Variants in RXFP1 observed in about 807,000 individuals in gnomAD.
RXFP1 encodes relaxin family peptide receptor 1, also known as relaxin receptor 1.
Under a neutral mutation model 89.8 loss-of-function variants are expected in RXFP1, and 73 were observed. The ratio of observed to expected loss-of-function variants is 0.81; its 90% CI spans 0.67 to 0.99. The LOEUF is 0.99. Ranked by LOEUF, RXFP1 falls within the 50% of genes least tolerant of loss-of-function variation. RXFP1 has a pLI of 0.00. For synonymous variants in RXFP1, 277 were observed against 305.5 expected (o/e 0.91, Z 0.97); for missense variants, 793 against 895.5 (o/e 0.89, Z 1.46).
At chr4:158,630,553 A>G (rs1232612755) in intron 11 of RXFP1, among the ~76,000 whole-genome samples, 1 of 152,214 alleles carries the variant, frequency 6.6e-6, no homozygotes, top group Non-Finnish European at 1.5e-5. Flanking sequence ...CAGATTTTAT[A>G]TATCAATAAC....
At chr4:158,576,480 C>T (rs1287994739) in intron 2 of RXFP1, among the ~76,000 whole-genome samples, 3 of 152,010 alleles carry the variant, frequency 2.0e-5, no homozygotes, top group African/African-American at 7.2e-5. Flanking sequence ...CAGGCTCCAT[C>T]CCAGACCTAT....
At chr4:158,564,682 AGATGGATAGCT>A (rs138422963) in intron 1 of RXFP1, among the ~76,000 whole-genome samples, 4,825 of 152,306 alleles carry the variant, frequency 0.032, 243 homozygotes, top group African/African-American at 0.11. Flanking sequence ...CATTCAGGGC[AGATGGATAGCT>A]GGGTTACACA....
chr4:158,545,050 T>C (rs1747899274), intron 1 of RXFP1, among the ~76,000 whole-genome samples: 1 of 151,508 alleles, frequency 6.6e-6, no homozygotes, highest in Non-Finnish European at 1.5e-5. Context: ...TTGAACTAGT[T>C]TACAGTCCCA....
chr4:158,551,861 A>T (rs1750217212), intron 1 of RXFP1, among the ~76,000 whole-genome samples: 1 of 152,146 alleles, frequency 6.6e-6, no homozygotes. Context: ...GGATTGCTTG[A>T]GCCCAGGAGG....
At chr4:158,572,571 T>G in intron 1 of RXFP1, 127 bp from the exon 2 acceptor site, 4 of 824,160 alleles carry the variant, frequency 4.9e-6, no homozygotes, top group Non-Finnish European at 4.0e-6. Context: ...ATAACTGGCA[T>G]CAGGGTTGTA....
At chr4:158,555,216 CA>C (rs1218499215) in intron 1 of RXFP1, among the ~76,000 whole-genome samples, 2 of 152,006 alleles carry the variant, frequency 1.3e-5, no homozygotes, top group African/African-American at 4.8e-5. Flanking sequence ...GCATTTCTGT[CA>C]AAAATCTGTA....
chr4:158,609,700 C>A (rs1003729749), intron 6 of RXFP1, among the ~76,000 whole-genome samples: 6 of 152,272 alleles, frequency 3.9e-5, no homozygotes, highest in Non-Finnish European at 8.8e-5. Context: ...TTAACAGTAA[C>A]CACTTTAGCC....
intron 2 of RXFP1, among the ~76,000 whole-genome samples, chr4:158,575,721 A>G (rs555455569): frequency 2.2e-4 from 33 of 152,304 alleles, no homozygotes; most frequent in Non-Finnish European, 3.5e-4. Flanking sequence ...CTCCAGAACT[A>G]TGAAAAATAA....
intron 10 of RXFP1, among the ~76,000 whole-genome samples, chr4:158,627,625 T>C (rs1317371753): frequency 6.6e-6 from 1 of 151,572 alleles, no homozygotes; most frequent in East Asian, 1.9e-4. Flanking sequence ...TATCCTAGAC[T>C]ACACAGGACC....
rs374369711 is a variant in RXFP1, at chr4:158,617,108, T to C, written c.681-23T>C. ...GAGAAGAGAACCAGAAAAATGTGAC[T>C]TGTTTGTCTTTTCCTTTTTCAGAGT... On this transcript the variant is annotated intron_variant, in intron 8 of 17. Coordinates refer to ENST00000307765, the MANE Select transcript of RXFP1 (RefSeq NM_021634.4). 7.1e-6 allele frequency: 11 copies of C among 1,553,100 alleles called. No individual in the cohort carries two copies. The African/African-American group carries it at 9.6e-5, about 14-fold the overall frequency.
intron 9 of RXFP1, among the ~76,000 whole-genome samples, chr4:158,617,760 G>T (rs1295942232): frequency 6.6e-6 from 1 of 151,976 alleles, no homozygotes; most frequent in African/African-American, 2.4e-5. Flanking sequence ...ATAAAAGAAA[G>T]AAATAACCAA....
chr4:158,620,122 G>A (rs559578711), intron 9 of RXFP1, among the ~76,000 whole-genome samples: 27 of 152,232 alleles, frequency 1.8e-4, no homozygotes, highest in Middle Eastern at 3.4e-3. Flanking sequence ...TAATATGCAC[G>A]AACATAAAGA....
intron 5 of RXFP1, chr4:158,606,957 T>G: frequency 1.1e-6 from 1 of 949,658 alleles, no homozygotes; most frequent in South Asian, 1.4e-5. Flanking sequence ...TACTTTTCAG[T>G]CAAAATTTAT....
intron 15 of RXFP1, among the ~76,000 whole-genome samples, chr4:158,645,833 C>A (rs1374708007): frequency 6.6e-6 from 1 of 152,050 alleles, no homozygotes; most frequent in Admixed American, 6.6e-5. Context: ...ATGTGCTGTC[C>A]CCATCCTTAT....
At chr4:158,651,729 C>G in intron 17 of RXFP1, 28 bp from the exon 18 acceptor site, 1 of 1,553,490 alleles carries the variant, frequency 6.4e-7, no homozygotes, top group South Asian at 1.2e-5. Flanking sequence ...TCTATAAACA[C>G]TAAAACTATT....
intron 6 of RXFP1, among the ~76,000 whole-genome samples, chr4:158,609,931 C>T (rs1763251709): frequency 6.6e-6 from 1 of 152,174 alleles, no homozygotes; most frequent in Non-Finnish European, 1.5e-5. Context: ...TGTCCTCCCT[C>T]TCTTTTCATA....
rs1767404356 is a variant in RXFP1 at position 158,628,637 on chromosome 4, G to T, written c.828-1G>T. Reference sequence around the variant, plus strand: ...CAATGTATTTTTCTTTTTACTTTCAGAGTGATGAGGAAAAACAAAATTAAT... The same window carrying T: ...CAATGTATTTTTCTTTTTACTTTCATAGTGATGAGGAAAAACAAAATTAAT... On this transcript the variant is annotated splice_acceptor_variant, in intron 10 of 17. Coordinates refer to ENST00000307765, the MANE Select transcript of RXFP1 (RefSeq NM_021634.4). LOFTEE classifies it high-confidence loss of function. The T allele has an allele frequency of 6.7e-7, 1 of 1,482,378 alleles. No individual in the cohort carries two copies. The highest frequency in any genetic ancestry group is 9.4e-7 in the Non-Finnish European group (1 of 1,067,028). The allele number at this position is 1,482,378 out of a possible 1,614,324, so 91.8% of individuals were successfully genotyped here.
At position 158,626,841 on chromosome 4, in the gene RXFP1, C is replaced by T. The variant is rs746897664; in HGVS notation, c.777C>T (p.Ile259=). 9 of 1,565,546 alleles carry T rather than the reference C, an allele frequency of 5.7e-6. No homozygotes were observed. The South Asian group carries it at 1.0e-4, about 18-fold the overall frequency. The part of the protein sequence containing the change: ...LHWLDLEGNH[I]HNLRNLTFIS... ...CCAGGGACCTTGAAGGCAACCATATCCATAATTTAAGAAATTTGACTTTTA... is the reference window on the plus strand; with the variant it reads ...CCAGGGACCTTGAAGGCAACCATATTCATAATTTAAGAAATTTGACTTTTA... Residue 259 remains isoleucine (I), a synonymous_variant, in exon 10 of 18, where the codon ATC becomes ATT. Transcript: ENST00000307765.
At chr4:158,568,436 C>G (rs995001998) in intron 1 of RXFP1, among the ~76,000 whole-genome samples, 6 of 152,212 alleles carry the variant, frequency 3.9e-5, no homozygotes, top group African/African-American at 1.4e-4. Flanking sequence ...AAAACATCTT[C>G]AAAGTAGCTG....
Sources: gnomAD v4.1 joint callset for allele counts (sites outside exome capture counted in the v4.1 genomes callset) on GRCh38, gnomAD v4.1.1 for gene constraint, MANE v1.5 for transcripts, NCBI Gene and HGNC (gene_info 2026-07-23, HGNC 2026-07-21) for gene names.